PBX1: variants seen among roughly 807,000 people sequenced by gnomAD.
PBX1 encodes PBX homeobox 1.
PBX1 carries 6 observed loss-of-function variants against 53.4 expected under a neutral mutation model. That is an observed-to-expected ratio of 0.11 (90% CI 0.06 to 0.22). The LOEUF (loss-of-function observed/expected upper bound fraction) is 0.22. Among genes scored for constraint, PBX1 ranks in the 10% least tolerant of loss-of-function variants. The pLI is 1.00. For synonymous variants in PBX1, 204 were observed against 212.3 expected (o/e 0.96, Z 0.34); for missense variants, 251 against 551.4 (o/e 0.46, Z 5.46).
At chr1:164,602,351 C>T (rs77741883) in intron 2 of PBX1, among the ~76,000 whole-genome samples, 2,851 of 152,276 alleles carry the variant, frequency 0.019, 32 homozygotes, top group Middle Eastern at 0.024. Context: ...CTTGGTTATG[C>T]GACATTCTCT....
chr1:164,759,626 A>G (rs937843876), intron 2 of PBX1, among the ~76,000 whole-genome samples: 2 of 152,174 alleles, frequency 1.3e-5, no homozygotes, highest in Non-Finnish European at 2.9e-5. Flanking sequence ...TATCATTCCA[A>G]TTTGGGGCCA....
intron 2 of PBX1, among the ~76,000 whole-genome samples, chr1:164,884,717 A>G (rs7548592): frequency 2.0e-5 from 3 of 151,868 alleles, no homozygotes; most frequent in Non-Finnish European, 4.4e-5. Flanking sequence ...CAGCCAAAAA[A>G]CTCTGGTGAG....
At chr1:164,802,731 G>A (rs1669141663) in intron 4 of PBX1, among the ~76,000 whole-genome samples, 1 of 151,906 alleles carries the variant, frequency 6.6e-6, no homozygotes, top group Non-Finnish European at 1.5e-5. Flanking sequence ...TGACTTAACT[G>A]TACCACGGAA....
At chr1:164,840,592 A>G (rs894728887) in intron 8 of PBX1, among the ~76,000 whole-genome samples, 1 of 151,878 alleles carries the variant, frequency 6.6e-6, no homozygotes, top group Non-Finnish European at 1.5e-5. Context: ...TCTGGAGAAC[A>G]CTCCTTGTTA....
downstream of PBX1, among the ~76,000 whole-genome samples, chr1:164,854,954 T>C (rs1466290639): frequency 6.7e-6 from 1 of 148,810 alleles, no homozygotes; most frequent in Non-Finnish European, 1.5e-5. Context: ...TCTTTTTTTT[T>C]TTTTTTTTTT....
At chr1:164,813,855 A>G (rs1669743902) in intron 6 of PBX1, 1 of 152,218 alleles carries the variant, frequency 6.6e-6, no homozygotes, top group Non-Finnish European at 1.5e-5. Flanking sequence ...TCTGTGTTTA[A>G]GAAATATGGT....
At chr1:164,688,208 A>G (rs1212963279) in intron 2 of PBX1, among the ~76,000 whole-genome samples, 1 of 152,194 alleles carries the variant, frequency 6.6e-6, no homozygotes. Context: ...TAGACACTTT[A>G]TCATTAACTG....
At chr1:164,585,099 G>A (rs888255698) in intron 2 of PBX1, among the ~76,000 whole-genome samples, 1 of 152,308 alleles carries the variant, frequency 6.6e-6, no homozygotes, top group African/African-American at 2.4e-5. Context: ...GAAAGAGGTT[G>A]TAGAACTGGA....
chr1:164,873,631 C>A (rs1012664527), intron 2 of PBX1, among the ~76,000 whole-genome samples: 1 of 152,136 alleles, frequency 6.6e-6, no homozygotes, highest in Admixed American at 6.5e-5. Context: ...GGTGGTGACA[C>A]CTTATTTCAC....
chr1:164,884,867 C>T (rs2102469794), intron 2 of PBX1, among the ~76,000 whole-genome samples: 1 of 152,272 alleles, frequency 6.6e-6, no homozygotes, highest in East Asian at 1.9e-4. Flanking sequence ...CACCATATAA[C>T]ATAAAATGTG....
chr1:164,598,850 A>G (rs1220927324), intron 2 of PBX1, among the ~76,000 whole-genome samples: 1 of 152,116 alleles, frequency 6.6e-6, no homozygotes, highest in East Asian at 1.9e-4. Flanking sequence ...GACCTTTAAA[A>G]CTACCCGGAG....
chr1:164,623,884 G>A (rs953089665), intron 2 of PBX1, among the ~76,000 whole-genome samples: 1 of 152,188 alleles, frequency 6.6e-6, no homozygotes, highest in Admixed American at 6.5e-5. Flanking sequence ...TTTGGTAATG[G>A]ACTGTGACAA....
At chr1:164,866,226 A>T (rs1484108477) in intron 2 of PBX1, among the ~76,000 whole-genome samples, 1 of 152,234 alleles carries the variant, frequency 6.6e-6, no homozygotes, top group Non-Finnish European at 1.5e-5. Context: ...TCAATGAAGG[A>T]GTAGGATTTA....
At chr1:164,613,386 C>T (rs893302882) in intron 2 of PBX1, among the ~76,000 whole-genome samples, 4 of 152,190 alleles carry the variant, frequency 2.6e-5, no homozygotes, top group African/African-American at 7.2e-5. Context: ...GCTGACTCAG[C>T]CTTTGTACTG....
intron 2 of PBX1, among the ~76,000 whole-genome samples, chr1:164,628,628 C>T (rs1209772343): frequency 1.3e-5 from 2 of 152,184 alleles, no homozygotes; most frequent in Non-Finnish European, 2.9e-5. Flanking sequence ...AATGTAGCAA[C>T]TCTATTAGAA....
At chr1:164,736,386 G>T (rs1665273026) in intron 2 of PBX1, among the ~76,000 whole-genome samples, 1 of 152,150 alleles carries the variant, frequency 6.6e-6, no homozygotes, top group African/African-American at 2.4e-5. Flanking sequence ...TGCGACGGCT[G>T]TCAGCTCCAC....
intron 8 of PBX1, among the ~76,000 whole-genome samples, chr1:164,843,949 G>T (rs1671428717): frequency 6.6e-6 from 1 of 151,952 alleles, no homozygotes; most frequent in Non-Finnish European, 1.5e-5. Context: ...TGGAATTATG[G>T]CATGGCTAAA....
At chr1:164,589,417 C>G (rs1655202793) in intron 2 of PBX1, among the ~76,000 whole-genome samples, 1 of 151,992 alleles carries the variant, frequency 6.6e-6, no homozygotes, top group South Asian at 2.1e-4. Flanking sequence ...GGTGTCTTTT[C>G]CTGAAACTGA....
At chr1:164,728,921 G>A (rs939861132) in intron 2 of PBX1, among the ~76,000 whole-genome samples, 6 of 152,302 alleles carry the variant, frequency 3.9e-5, no homozygotes, top group South Asian at 2.1e-4. Flanking sequence ...AATTTGATAC[G>A]CCAAGTGGGC....
Sources: allele counts gnomAD v4.1 joint callset (sites outside exome capture counted in the v4.1 genomes callset), GRCh38; gene constraint gnomAD v4.1.1; transcripts MANE v1.5; gene names NCBI Gene and HGNC (gene_info 2026-07-23, HGNC 2026-07-21).